The following LARGE1 variants were observed in gnomAD, a reference collection of about 807,000 sequenced individuals.
LARGE1 encodes the protein LARGE xylosyl- and glucuronyltransferase 1, also known as xylosyl- and glucuronyltransferase LARGE1.
LARGE1 carries 43 observed loss-of-function variants against 87.6 expected under a neutral mutation model. The observed-to-expected ratio is 0.49, with a 90% CI of 0.38 to 0.63. LARGE1 has a LOEUF of 0.63. LARGE1 is among the 30% of genes least tolerant of loss of function. LARGE1 has a pLI of 0.00. For synonymous variants in LARGE1, 434 were observed against 394.6 expected (o/e 1.10, Z -1.18); for missense variants, 802 against 1,000.2 (o/e 0.80, Z 2.67).
chr22:33,491,724 T>C (rs944639060), intron 6 of LARGE1, among the ~76,000 whole-genome samples: 3 of 152,228 alleles, frequency 2.0e-5, no homozygotes, highest in African/African-American at 7.2e-5. Flanking sequence ...GTGCCCACCA[T>C]TGGGTAGGTA....
chr22:33,834,099 CCTT>C (rs1490673789), intron 1 of LARGE1, among the ~76,000 whole-genome samples: 2 of 152,118 alleles, frequency 1.3e-5, no homozygotes, highest in Admixed American at 1.3e-4. Context: ...AAGCCTGACT[CCTT>C]CTATCACCAA....
At chr22:33,754,639 T>C (rs1027185145) in intron 2 of LARGE1, among the ~76,000 whole-genome samples, 1 of 152,126 alleles carries the variant, frequency 6.6e-6, no homozygotes, top group African/African-American at 2.4e-5. Flanking sequence ...CCCGGCCAGC[T>C]CTTCATTTTT....
intron 2 of LARGE1, among the ~76,000 whole-genome samples, chr22:33,723,059 C>T (rs950904434): frequency 6.6e-6 from 1 of 152,140 alleles, no homozygotes; most frequent in African/African-American, 2.4e-5. Context: ...AGTGGCACAG[C>T]CTTTGAGGAA....
chr22:33,660,911 A>G (rs1370103430), intron 2 of LARGE1, among the ~76,000 whole-genome samples: 1 of 152,210 alleles, frequency 6.6e-6, no homozygotes, highest in African/African-American at 2.4e-5. Context: ...GATATGAAAT[A>G]TTCATAGCCC....
intron 6 of LARGE1, among the ~76,000 whole-genome samples, chr22:33,469,094 TA>T (rs2068728827): frequency 1.3e-5 from 2 of 152,340 alleles, no homozygotes; most frequent in South Asian, 4.1e-4. Flanking sequence ...GGTAGGAATG[TA>T]AATTAGTTCA....
intron 4 of LARGE1, among the ~76,000 whole-genome samples, chr22:33,619,842 C>T (rs2079692922): frequency 6.6e-6 from 1 of 152,182 alleles, no homozygotes; most frequent in Non-Finnish European, 1.5e-5. Flanking sequence ...GCAAGAGCTA[C>T]ATTTGTATTT....
At chr22:33,621,598 C>A (rs780676798) in intron 4 of LARGE1, among the ~76,000 whole-genome samples, 1 of 152,190 alleles carries the variant, frequency 6.6e-6, no homozygotes, top group African/African-American at 2.4e-5. Flanking sequence ...TAAGGTACTT[C>A]ATTTGTCAAT....
intron 9 of LARGE1, among the ~76,000 whole-genome samples, chr22:33,351,044 A>C (rs532226238): frequency 6.6e-6 from 1 of 152,352 alleles, no homozygotes; most frequent in African/African-American, 2.4e-5. Context: ...GTTTTGCCTG[A>C]AATGACAATT....
the LARGE1 span, among the ~76,000 whole-genome samples, chr22:33,120,692 T>A: frequency 6.6e-6 from 1 of 151,908 alleles, no homozygotes; most frequent in African/African-American, 2.4e-5. Context: ...AATTTTTGTA[T>A]TTTTAGTAGA....
chr22:33,719,844 C>A (rs920264159), intron 2 of LARGE1, among the ~76,000 whole-genome samples: 3 of 152,020 alleles, frequency 2.0e-5, no homozygotes, highest in Non-Finnish European at 2.9e-5. Context: ...TTTTACTGTA[C>A]CTTTTCCATG....
intron 11 of LARGE1, among the ~76,000 whole-genome samples, chr22:33,261,438 C>T (rs188025259): frequency 1.1e-3 from 172 of 152,226 alleles, no homozygotes; most frequent in Non-Finnish European, 1.8e-3. Flanking sequence ...CTTATGCTGC[C>T]TCTACCAAAG....
intron 7 of LARGE1, among the ~76,000 whole-genome samples, chr22:33,402,119 A>G (rs2065944607): frequency 6.6e-6 from 1 of 152,230 alleles, no homozygotes; most frequent in East Asian, 1.9e-4. Flanking sequence ...TTTACAAACA[A>G]GGAAACTGAG....
chr22:33,299,939 C>T (rs1933916579), intron 12 of LARGE1, among the ~76,000 whole-genome samples: 1 of 152,246 alleles, frequency 6.6e-6, no homozygotes, highest in Non-Finnish European at 1.5e-5. Flanking sequence ...TCCATGCGTA[C>T]AGCTTATTCC....
intron 6 of LARGE1, among the ~76,000 whole-genome samples, chr22:33,443,165 T>C (rs1193075548): frequency 2.0e-5 from 3 of 152,118 alleles, no homozygotes; most frequent in Non-Finnish European, 4.4e-5. Context: ...ATTTCTACCT[T>C]TCAGAAGGGA....
chr22:33,568,877 T>C (rs1441194992), intron 5 of LARGE1, among the ~76,000 whole-genome samples: 3 of 151,066 alleles, frequency 2.0e-5, no homozygotes. Context: ...GATGGATGGA[T>C]GGATGGATGA....
intron 2 of LARGE1, among the ~76,000 whole-genome samples, chr22:33,662,890 A>G (rs1462649358): frequency 1.3e-5 from 2 of 152,222 alleles, no homozygotes; most frequent in East Asian, 3.8e-4. Context: ...GCCTGGCTGG[A>G]CATTCCTTTG....
At chr22:33,158,176 G>A (rs1455328434), downstream of LARGE1, among the ~76,000 whole-genome samples, 5 of 152,136 alleles carry the variant, frequency 3.3e-5, no homozygotes, top group Non-Finnish European at 7.4e-5. Flanking sequence ...TCCACTAAGT[G>A]ATGTGGTATA....
At chr22:33,806,741 A>G (rs1240410875) in intron 1 of LARGE1, among the ~76,000 whole-genome samples, 1 of 152,116 alleles carries the variant, frequency 6.6e-6, no homozygotes, top group African/African-American at 2.4e-5. Flanking sequence ...GCCGGGCGTG[A>G]TGGCTCATGC....
In LARGE1 at chr22:33,316,154, A is replaced by G. The variant is rs763372596; in HGVS notation, c.1382T>C (p.Leu461Pro). 6.2e-7 allele frequency: 1 copy of G among 1,614,154 alleles called. No individual in the cohort carries two copies. The highest frequency in any genetic ancestry group is 8.5e-7 in the Non-Finnish European group (1 of 1,180,008). The change falls in exon 11 of 15, where the codon CTG (leucine) becomes CCG (proline). Residue 461 changes from leucine to proline, a missense_variant. Leu to Pro is a moderately conservative substitution (Grantham distance 98). Transcript: ENST00000397394. Reference protein sequence around the residue: ...FTVHRTHLYFLHYEYEPAADS... With the variant: ...FTVHRTHLYFPHYEYEPAADS... ...TGCTGCAGGCTCATACTCGTAGTGC[A>G]GGAAGTACAGGTGGGTGCGGTGGAC...
Sources: allele counts gnomAD v4.1 joint callset (sites outside exome capture counted in the v4.1 genomes callset), GRCh38; gene constraint gnomAD v4.1.1; transcripts MANE v1.5; gene names NCBI Gene and HGNC (gene_info 2026-07-23, HGNC 2026-07-21).